The following CNTD1 variants were observed in gnomAD, a reference collection of about 807,000 sequenced individuals.
CNTD1 encodes the protein cyclin N-terminal domain containing 1.
In CNTD1, 17 loss-of-function variants were observed where a neutral mutation model predicts 36.3. That is an observed-to-expected ratio of 0.47 (90% CI 0.32 to 0.70). CNTD1 has a LOEUF of 0.70. Among genes scored for constraint, CNTD1 ranks in the 30% least tolerant of loss-of-function variants. The pLI is 0.03. For missense variants in CNTD1, 338 were observed against 386.1 expected (o/e 0.88, Z 1.04); for synonymous variants, 128 against 153.3 (o/e 0.83, Z 1.22).
intron 3 of CNTD1, among the ~76,000 whole-genome samples, chr17:42,804,763 G>A (rs1336096104): frequency 6.6e-6 from 1 of 151,992 alleles, no homozygotes; most frequent in African/African-American, 2.4e-5. Context: ...AGCTGAGGTC[G>A]TGCCATTGTA....
In CNTD1 at chr17:42,799,098, T is replaced by G. The variant is rs1049941569; in HGVS notation, c.31T>G (p.Ser11Ala). MDGPMRPRSA[S>A]LVDFQFGVVA... ...CGGACCCATGAGGCCACGATCGGCC[T>G]CCCTCGTTGACTTTCAGTTTGGAGT... The change falls in exon 1 of 7, where the codon TCC (serine) becomes GCC (alanine). Residue 11 changes from serine (S) to alanine (A), a missense_variant. Coordinates refer to ENST00000588408, the MANE Select transcript of CNTD1 (RefSeq NM_173478.3). 2 of 1,614,034 alleles carry G rather than the reference T, an allele frequency of 1.2e-6. No homozygotes were observed.
chr17:42,807,427 A>C (rs1446917217), intron 5 of CNTD1, among the ~76,000 whole-genome samples: 1 of 152,144 alleles, frequency 6.6e-6, no homozygotes, highest in East Asian at 1.9e-4. Flanking sequence ...AAAAAGAAAA[A>C]AGAAAAAAAA....
intron 6 of CNTD1, among the ~76,000 whole-genome samples, chr17:42,808,415 G>C (rs1288471623): frequency 6.6e-6 from 1 of 151,766 alleles, no homozygotes; most frequent in Non-Finnish European, 1.5e-5. Flanking sequence ...GCTGGGTGTG[G>C]TGGCACATGC....
At position 42,809,707 on chromosome 17, in the gene CNTD1, T is replaced by A. The variant is rs2054952877; in HGVS notation, c.*172T>A. 1 of 582,776 alleles carries A rather than the reference T, an allele frequency of 1.7e-6. No homozygotes were observed. Among genetic ancestry groups the A allele is most frequent in the African/African-American group, 1.9e-5 (1 of 52,724 alleles). The allele number at this position is 582,776 out of a possible 1,614,324, so 36.1% of individuals were successfully genotyped here. On this transcript the variant is annotated 3_prime_UTR_variant, in exon 7 of 7. Transcript: ENST00000588408. Reference sequence around the variant, plus strand: ...CAGAGAGAGTTAAGGTGGACGAGCATGCCCTTTTTGTCATATCAGCCTGAA... The same window carrying A: ...CAGAGAGAGTTAAGGTGGACGAGCAAGCCCTTTTTGTCATATCAGCCTGAA...
In CNTD1 at chr17:42,811,569, T is replaced by C. The variant is rs372607915; in HGVS notation, c.*2034T>C. 170 of 1,522,310 alleles carry C rather than the reference T, an allele frequency of 1.1e-4. 1 individual carries two copies. The African/African-American group carries it at 2.1e-3, about 19-fold the overall frequency. 94.3% of individuals were successfully genotyped at this position (1,522,310 alleles called of 1,614,324 possible). A position where few individuals can be genotyped will look rare whatever the true frequency, so the allele number is the denominator to read the frequency against. ...CATTTTTTTGCTTTCCCACCATTTA[T>C]ACTGTTTTGCCTCCATTATTACTGC... On this transcript the variant is annotated 3_prime_UTR_variant, in exon 7 of 7. Transcript: ENST00000588408.
At chr17:42,806,591 C>T in intron 4 of CNTD1, 83 bp from the exon 5 acceptor site, 1 of 1,428,796 alleles carries the variant, frequency 7.0e-7, no homozygotes, top group East Asian at 2.3e-5. Context: ...ATTAGCACCT[C>T]AACAGCTTTA....
intron 1 of CNTD1, among the ~76,000 whole-genome samples, chr17:42,801,510 A>AATATATATAT (rs1216506814): frequency 1.7e-4 from 9 of 54,336 alleles, no homozygotes; most frequent in Admixed American, 5.5e-4. Context: ...AAAAAAAAAA[A>AATATATATAT]ATATATATAT....
In CNTD1 at chr17:42,809,501, G is replaced by C. The variant is rs143534266; in HGVS notation, c.959G>C (p.Arg320Thr). Reference sequence around the variant, plus strand: ...TCTATTCCTCCCCACCTGGCAGCCAGAGCTCTGAAGACTGTTGCTTCCTCT... The same window carrying C: ...TCTATTCCTCCCCACCTGGCAGCCACAGCTCTGAAGACTGTTGCTTCCTCT... Reference protein sequence around the residue: ...QQSIPPHLAARALKTVASSNT With the variant: ...QQSIPPHLAATALKTVASSNT Residue 320 changes from arginine to threonine, a missense_variant, in exon 7 of 7, where the codon AGA (arginine) becomes ACA (threonine). By Grantham distance (71) the Arg-to-Thr change is moderately conservative. Transcript: ENST00000588408. 4.2e-5 allele frequency: 67 copies of C among 1,614,140 alleles called. No individual in the cohort carries two copies. The African/African-American group carries it at 7.3e-4, about 18-fold the overall frequency.
chr17:42,805,730 C>T lies in CNTD1; in HGVS notation c.426C>T (p.Ser142=). Residue 142 remains serine (S), a synonymous_variant, in exon 4 of 7, where the codon AGC becomes AGT. Coordinates refer to ENST00000588408, the MANE Select transcript of CNTD1 (RefSeq NM_173478.3). ...SKLSFRNKII[S]NITVLNFLQA... is the part of the protein sequence containing the mutation. ...CTCTTTTCTTTGCTCAGATAATCAG[C>T]AACATTACAGTCTTGAATTTCCTCC... is the stretch of plus-strand genomic sequence containing the variant. The T allele has an allele frequency of 1.2e-6, 2 of 1,609,300 alleles. No individual in the cohort carries two copies. The highest frequency in any genetic ancestry group is 2.2e-5 in the South Asian group (2 of 90,230).
Position 42,810,814 on chromosome 17 carries a change from C to G in CNTD1, c.*1279C>G, listed in dbSNP as rs1343458339. 9.3e-6 allele frequency: 15 copies of G among 1,613,498 alleles called. No homozygotes were observed. The highest frequency in any genetic ancestry group is 1.3e-5 in the Non-Finnish European group (15 of 1,179,726). On this transcript the variant is annotated 3_prime_UTR_variant, in exon 7 of 7. Coordinates refer to ENST00000588408, the MANE Select transcript of CNTD1 (RefSeq NM_173478.3). ...AAGCAAGACCCCACTTAAGATTCGTCAGCATGAACTTGAGAGCTTTTGTCC... is the reference window on the plus strand; with the variant it reads ...AAGCAAGACCCCACTTAAGATTCGTGAGCATGAACTTGAGAGCTTTTGTCC...
Position 42,809,756 on chromosome 17 carries a change from C to A in CNTD1, c.*221C>A, listed in dbSNP as rs771792043. 7 of 483,474 alleles carry A rather than the reference C, an allele frequency of 1.4e-5. No homozygotes were observed. The highest frequency in any genetic ancestry group is 2.6e-5 in the Non-Finnish European group (7 of 272,628). The allele number at this position is 483,474 out of a possible 1,614,324, so 29.9% of individuals were successfully genotyped here. A position where few individuals can be genotyped will look rare whatever the true frequency, so the allele number is the denominator to read the frequency against. ...AAAATGTTAAAAAGCTAGGTGGAGACAGATTAGTTGTTTCATTTTTGTTTA... is the reference window on the plus strand; with the variant it reads ...AAAATGTTAAAAAGCTAGGTGGAGAAAGATTAGTTGTTTCATTTTTGTTTA... On this transcript the variant is annotated 3_prime_UTR_variant, in exon 7 of 7. Coordinates refer to ENST00000588408, the MANE Select transcript of CNTD1 (RefSeq NM_173478.3).
Position 42,809,651 on chromosome 17 carries a change from T to C in CNTD1, c.*116T>C. On this transcript the variant is annotated 3_prime_UTR_variant, in exon 7 of 7. Coordinates refer to ENST00000588408, the MANE Select transcript of CNTD1 (RefSeq NM_173478.3). ...CAAGTCTCTTTTGAACTGTATTTTG[T>C]ATGCCAATTTCATGCTTATTTTTCC... is the stretch of plus-strand genomic sequence containing the variant. 1 of 895,292 alleles carries C rather than the reference T, an allele frequency of 1.1e-6. No individual in the cohort carries two copies. Among genetic ancestry groups the C allele is most frequent in the Non-Finnish European group, 1.7e-6 (1 of 598,412 alleles). 55.5% of individuals were successfully genotyped at this position (895,292 alleles called of 1,614,324 possible).
At position 42,809,357 on chromosome 17, in the gene CNTD1, T is replaced by A. The variant is rs764249546; in HGVS notation, c.823-8T>A. 6.3e-6 allele frequency: 10 copies of A among 1,599,558 alleles called. No homozygotes were observed. In the South Asian group the frequency reaches 1.1e-4, roughly 18 times the overall value. On this transcript the variant is annotated splice_polypyrimidine_tract_variant and splice_region_variant and intron_variant, in intron 6 of 6. Coordinates refer to ENST00000588408, the MANE Select transcript of CNTD1 (RefSeq NM_173478.3). ...TTAGTAATAAGAAATCTGTCTCTATTTCTGAAGGTTGTGGGGCATTTGCAG... is the reference window on the plus strand; with the variant it reads ...TTAGTAATAAGAAATCTGTCTCTATATCTGAAGGTTGTGGGGCATTTGCAG...
intron 1 of CNTD1, among the ~76,000 whole-genome samples, chr17:42,801,314 G>A (rs1215896667): frequency 6.9e-6 from 1 of 144,542 alleles, no homozygotes; most frequent in African/African-American, 2.5e-5. Context: ...TGGCCAACAT[G>A]GTGAAACCCC....
chr17:42,801,495 CAAAAA>C (rs748783042), intron 1 of CNTD1, among the ~76,000 whole-genome samples: 3 of 35,308 alleles, frequency 8.5e-5, no homozygotes, highest in South Asian at 1.4e-3. Context: ...GACCTTGTCT[CAAAAA>C]AAAAAAAAAA....
intron 1 of CNTD1, among the ~76,000 whole-genome samples, chr17:42,799,677 A>G (rs541014672): frequency 7.1e-6 from 1 of 140,584 alleles, no homozygotes; most frequent in Non-Finnish European, 1.5e-5. Flanking sequence ...GTTTGAACCC[A>G]GGAGGCGGAA....
In CNTD1 at chr17:42,801,506, A is replaced by G. The variant is rs1365822956; in HGVS notation, c.170-2114A>G. On this transcript the variant is annotated intron_variant, in intron 1 of 6. Coordinates refer to ENST00000588408, the MANE Select transcript of CNTD1 (RefSeq NM_173478.3). ...GTGAGACCTTGTCTCAAAAAAAAAA[A>G]AAAAATATATATATATATATATATA... Among the ~76,000 whole-genome samples, 4 of 52,716 alleles carry G rather than the reference A, an allele frequency of 7.6e-5. No homozygotes were observed. In the East Asian group the frequency reaches 2.5e-3, roughly 33 times the overall value. The allele number at this position is 52,716 out of a possible 152,430, so 34.6% of individuals were successfully genotyped here.
At chr17:42,803,538 C>A in intron 1 of CNTD1, 82 bp from the exon 2 acceptor site, 2 of 1,053,406 alleles carry the variant, frequency 1.9e-6, no homozygotes, top group Non-Finnish European at 2.9e-6. Flanking sequence ...GGCCCCATCA[C>A]GGCTTTTACA....
chr17:42,803,538 C>T lies in CNTD1; in HGVS notation c.170-82C>T, dbSNP rs139186458. 9,864 of 1,053,332 alleles carry T rather than the reference C, an allele frequency of 9.4e-3. 465 individuals are homozygous for T. The South Asian group carries it at 0.097, about 10-fold the overall frequency. The allele number at this position is 1,053,332 out of a possible 1,614,324, so 65.2% of individuals were successfully genotyped here. A position where few individuals can be genotyped will look rare whatever the true frequency, so the allele number is the denominator to read the frequency against. On this transcript the variant is annotated intron_variant, in intron 1 of 6. Transcript: ENST00000588408. Reference sequence around the variant, plus strand: ...TGACCCTCTTCCCTTGGCCCCATCACGGCTTTTACACAATGCCAAGAGTTC... The same window carrying T: ...TGACCCTCTTCCCTTGGCCCCATCATGGCTTTTACACAATGCCAAGAGTTC...
Sources: allele counts gnomAD v4.1 joint callset (sites outside exome capture counted in the v4.1 genomes callset), GRCh38; gene constraint gnomAD v4.1.1; transcripts MANE v1.5; gene names NCBI Gene and HGNC (gene_info 2026-07-23, HGNC 2026-07-21).